Variants in PCOLCE observed in about 807,000 individuals in gnomAD.
PCOLCE encodes procollagen C-endopeptidase enhancer 1.
Under a neutral mutation model 47.2 loss-of-function variants are expected in PCOLCE, and 33 were observed. That is an observed-to-expected ratio of 0.70 (90% CI 0.53 to 0.93). The LOEUF is 0.93. PCOLCE is among the 40% of genes least tolerant of loss of function. The pLI is 0.00. For missense variants in PCOLCE, 584 were observed against 585.3 expected, an observed-to-expected ratio of 1.00 and a Z score of 0.02; for synonymous variants, 254 against 252.5, an observed-to-expected ratio of 1.01 and a Z score of -0.06.
At chr7:100,607,354 G>A in intron 6 of PCOLCE, 98 bp from the exon 7 acceptor site, 1 of 962,724 alleles carries the variant, frequency 1.0e-6, no homozygotes, top group Non-Finnish European at 1.6e-6. Context: ...CCGGAAGCCT[G>A]ACAGAGCTCT....
At chr7:100,603,582 G>A (rs778096288) in intron 2 of PCOLCE, 44 bp downstream of exon 2, 2 of 1,020,680 alleles carry the variant, frequency 2.0e-6, no homozygotes, top group Non-Finnish European at 1.5e-6. Flanking sequence ...AAGTCTCAGA[G>A]GCAAAAAGGC....
rs1195830354 is a variant in PCOLCE, at chr7:100,607,823, G to A, written c.1183+16G>A. ...ATGAAGAAAGGTAACAGAGATGTGG[G>A]GAAATGGGGATGGGTCAAGCTAAGC... is the stretch of plus-strand genomic sequence containing the variant. On this transcript the variant is annotated intron_variant, in intron 8 of 8. Transcript: ENST00000223061. 2 of 1,613,984 alleles carry A rather than the reference G, an allele frequency of 1.2e-6. No individual in the cohort carries two copies. Among genetic ancestry groups the A allele is most frequent in the Non-Finnish European group, 1.7e-6 (2 of 1,179,960 alleles).
At chr7:100,607,852 A>G (rs779249591) in intron 8 of PCOLCE, 45 bp downstream of exon 8, 1 of 1,613,248 alleles carries the variant, frequency 6.2e-7, no homozygotes. Flanking sequence ...GCTAAGCCAC[A>G]CAGAAATGAT....
chr7:100,604,906 C>G lies in PCOLCE; in HGVS notation c.464-185C>G. 1 of 538,276 alleles carries G rather than the reference C, an allele frequency of 1.9e-6. No individual in the cohort carries two copies. Among genetic ancestry groups the G allele is most frequent in the Non-Finnish European group, 3.3e-6 (1 of 301,258 alleles). 33.3% of individuals were successfully genotyped at this position (538,276 alleles called of 1,614,324 possible). ...TGCGCCCTGCGGCCCCAGACTTCCCCGAGCCGCGCTCCTCCCGGCCGCTCT... is the reference window on the plus strand; with the variant it reads ...TGCGCCCTGCGGCCCCAGACTTCCCGGAGCCGCGCTCCTCCCGGCCGCTCT... On this transcript the variant is annotated intron_variant, in intron 3 of 8. Transcript: ENST00000223061. This position sits in a 1 kb window ranked among gnomAD's most constrained non-coding sequence, Gnocchi z 6.4.
Position 100,606,458 on chromosome 7 carries a change from C to T in PCOLCE, c.768C>T (p.Val256=), listed in dbSNP as rs370616091. 17 of 1,613,986 alleles carry T rather than the reference C, an allele frequency of 1.1e-5. No homozygotes were observed. The highest frequency in any genetic ancestry group is 1.4e-5 in the Non-Finnish European group (17 of 1,179,942). ...SEGNELLVQF[V]SDLSVTADGF... is the part of the protein sequence containing the mutation. The stretch of plus-strand genomic sequence containing the variant: ...GGAATGAACTCCTCGTCCAGTTCGT[C>T]TCAGATCTCAGTGTCACCGCTGATG... The change falls in exon 6 of 9, where the codon GTC becomes GTT. Residue 256 remains valine (V), a synonymous_variant. Coordinates refer to ENST00000223061, the MANE Select transcript of PCOLCE (RefSeq NM_002593.4).
chr7:100,603,855 T>G, intron 2 of PCOLCE, 104 bp from the exon 3 acceptor site: 3 of 1,346,090 alleles, frequency 2.2e-6, no homozygotes, highest in Non-Finnish European at 3.1e-6. Flanking sequence ...CCCCTTCCCA[T>G]TCAGTCCGTT....
intron 6 of PCOLCE, among the ~76,000 whole-genome samples, chr7:100,606,871 A>G (rs9691451): frequency 1.3e-5 from 2 of 152,114 alleles, no homozygotes; most frequent in Non-Finnish European, 2.9e-5. Context: ...CAGGCAGATC[A>G]CCTGAGGTCA....
Position 100,603,514 on chromosome 7 carries a change from TAAG to T in PCOLCE, c.181_183del (p.Lys61del). The stretch of plus-strand genomic sequence containing the variant: ...GGTTCCCCAACCTCTACCCCCCTAA[TAAG>T]GAGTGCATCTGGACCATAACGGTGA... On this transcript the variant is annotated inframe_deletion, in exon 2 of 9. Coordinates refer to ENST00000223061, the MANE Select transcript of PCOLCE (RefSeq NM_002593.4). The T allele has an allele frequency of 6.3e-7, 1 of 1,592,976 alleles. No homozygotes were observed. Among genetic ancestry groups the T allele is most frequent in the Non-Finnish European group, 8.6e-7 (1 of 1,165,300 alleles).
rs987881347 is a variant in PCOLCE at position 100,604,795 on chromosome 7, G to A, written c.464-296G>A. The A allele has an allele frequency of 4.4e-6, 2 of 451,296 alleles. No homozygotes were observed. The highest frequency in any genetic ancestry group is 8.1e-6 in the Non-Finnish European group (2 of 247,802). 28.0% of individuals were successfully genotyped at this position (451,296 alleles called of 1,614,324 possible). On this transcript the variant is annotated intron_variant, in intron 3 of 8. Coordinates refer to ENST00000223061, the MANE Select transcript of PCOLCE (RefSeq NM_002593.4). This position sits in a 1 kb window ranked among gnomAD's most constrained non-coding sequence, Gnocchi z 6.4. Reference sequence around the variant, plus strand: ...GCCGGGGAGATGGGATCTCCTAGGGGAAGAGGCGCGGTGCGGCCGCGGGTC... The same window carrying A: ...GCCGGGGAGATGGGATCTCCTAGGGAAAGAGGCGCGGTGCGGCCGCGGGTC...
At chr7:100,606,190 G>T in intron 5 of PCOLCE, 1 of 560,090 alleles carries the variant, frequency 1.8e-6, no homozygotes, top group Admixed American at 3.1e-5. Flanking sequence ...AATTAGCTGG[G>T]CATGGTGGCG....
rs1293810736 is a variant in PCOLCE, at chr7:100,606,562, A to G, written c.872A>G (p.Glu291Gly). 6.2e-7 allele frequency: 1 copy of G among 1,614,152 alleles called. No homozygotes were observed. Among genetic ancestry groups the G allele is most frequent in the East Asian group, 2.2e-5 (1 of 44,882 alleles). Residue 291 changes from glutamate to glycine, a missense_variant, in exon 6 of 9, where the codon GAG becomes GGG. Coordinates refer to ENST00000223061, the MANE Select transcript of PCOLCE (RefSeq NM_002593.4). ...GGGCCCGGCCCCAAACGGGGAACTG[A>G]GCCTAAAGTCAAGCTGCCCCCCAAG... ...GQGPGPKRGTEPKVKLPPKSQ... is the reference protein window; with the variant it reads ...GQGPGPKRGTGPKVKLPPKSQ...
At position 100,606,401 on chromosome 7, in the gene PCOLCE, G is replaced by T. The variant is rs775095299; in HGVS notation, c.726-15G>T. The T allele has an allele frequency of 1.2e-6, 2 of 1,605,318 alleles. No individual in the cohort carries two copies. ...CGCCCTGACACTTCCCCCAATGCTC[G>T]GTGGCCACCTGCAGCTCCATCTCCT... On this transcript the variant is annotated splice_polypyrimidine_tract_variant and intron_variant, in intron 5 of 8. Coordinates refer to ENST00000223061, the MANE Select transcript of PCOLCE (RefSeq NM_002593.4).
In PCOLCE at chr7:100,604,981, T is replaced by C. The variant is rs948743652; in HGVS notation, c.464-110T>C. ...TCCCCTTCTTCTCGTCCCCTCATCC[T>C]GAGCCCCAGACATCCGAGCTGCCTG... On this transcript the variant is annotated intron_variant, in intron 3 of 8. Coordinates refer to ENST00000223061, the MANE Select transcript of PCOLCE (RefSeq NM_002593.4). This position sits in a 1 kb window ranked among gnomAD's most constrained non-coding sequence, Gnocchi z 6.4. 3 of 705,690 alleles carry C rather than the reference T, an allele frequency of 4.3e-6. No homozygotes were observed. Among genetic ancestry groups the C allele is most frequent in the Middle Eastern group, 4.0e-4 (1 of 2,488 alleles). The allele number at this position is 705,690 out of a possible 1,614,324, so 43.7% of individuals were successfully genotyped here.
intron 8 of PCOLCE, 33 bp downstream of exon 8, chr7:100,607,840 A>T: frequency 6.2e-7 from 1 of 1,613,680 alleles, no homozygotes; most frequent in South Asian, 1.1e-5. Context: ...GGGATGGGTC[A>T]AGCTAAGCCA....
In PCOLCE at chr7:100,605,152, G is replaced by A; in HGVS notation, c.525G>A (p.Trp175Ter). The stretch of plus-strand genomic sequence containing the variant: ...AGGGAACCCTGACCACGCCCAACTG[G>A]CCCGAGTCCGATTACCCCCCGGGCA... ...KAQGTLTTPN[W>*]PESDYPPGIS... The change falls in exon 4 of 9, where the codon TGG (tryptophan) becomes TGA (stop). Residue 175 changes from tryptophan (W) to a stop codon, truncating the protein, a stop_gained. Coordinates refer to ENST00000223061, the MANE Select transcript of PCOLCE (RefSeq NM_002593.4). LOFTEE classifies it high-confidence loss of function. The surrounding 1 kb of genome is among the most constrained non-coding windows in gnomAD (Gnocchi z 6.1). 1.2e-6 allele frequency: 2 copies of A among 1,613,084 alleles called. No individual in the cohort carries two copies. Among genetic ancestry groups the A allele is most frequent in the Non-Finnish European group, 1.7e-6 (2 of 1,179,700 alleles).
chr7:100,603,966 A>G lies in PCOLCE; in HGVS notation c.212A>G (p.Glu71Gly). Residue 71 changes from glutamate to glycine, a missense_variant, in exon 3 of 9, where the codon GAG (glutamate) becomes GGG (glycine). Transcript: ENST00000223061. The part of the protein sequence containing the change: ...KECIWTITVP[E>G]GQTVSLSFRV... ...CTCTGTCCCCGCTATCAGGTCCCCG[A>G]GGGCCAGACTGTGTCCCTCTCATTC... 6.2e-7 allele frequency: 1 copy of G among 1,601,206 alleles called. No individual in the cohort carries two copies. Among genetic ancestry groups the G allele is most frequent in the East Asian group, 2.2e-5 (1 of 44,866 alleles).
In PCOLCE at chr7:100,606,720, C is replaced by T. The variant is rs182646544; in HGVS notation, c.940+90C>T. ...CTGGGCTGTGGCTCACACCTGTAAT[C>T]CCAGCATTTTGGGAGGTCCAGACAG... On this transcript the variant is annotated intron_variant, in intron 6 of 8. Transcript: ENST00000223061. 1.0e-3 allele frequency: 1,003 copies of T among 989,496 alleles called. 7 individuals are homozygous for T. Among genetic ancestry groups the T allele is most frequent in the Non-Finnish European group, 1.4e-4 (92 of 675,212 alleles). 61.3% of individuals were successfully genotyped at this position (989,496 alleles called of 1,614,324 possible).
chr7:100,604,448 C>A lies in PCOLCE; in HGVS notation c.463+231C>A. On this transcript the variant is annotated intron_variant, in intron 3 of 8. Coordinates refer to ENST00000223061, the MANE Select transcript of PCOLCE (RefSeq NM_002593.4). The surrounding 1 kb of genome is among the most constrained non-coding windows in gnomAD (Gnocchi z 6.4). Reference sequence around the variant, plus strand: ...TCCAGGGCCCCCCCCAGGCGCGAGGCGGAAATGGGTCACCGACCCGCGGGT... The same window carrying A: ...TCCAGGGCCCCCCCCAGGCGCGAGGAGGAAATGGGTCACCGACCCGCGGGT... 1 of 625,230 alleles carries A rather than the reference C, an allele frequency of 1.6e-6. No individual in the cohort carries two copies. Among genetic ancestry groups the A allele is most frequent in the South Asian group, 1.8e-5 (1 of 54,782 alleles). 38.7% of individuals were successfully genotyped at this position (625,230 alleles called of 1,614,324 possible).
Position 100,606,542 on chromosome 7 carries a change from C to T in PCOLCE, c.852C>T (p.Pro284=), listed in dbSNP as rs757331910. The part of the protein sequence containing the change: ...PRGTAKEGQG[P]GPKRGTEPKV... The stretch of plus-strand genomic sequence containing the variant: ...GCACTGCCAAAGAAGGGCAAGGGCC[C>T]GGCCCCAAACGGGGAACTGAGCCTA... The change falls in exon 6 of 9, where the codon CCC becomes CCT. Residue 284 remains proline, a synonymous_variant. Coordinates refer to ENST00000223061, the MANE Select transcript of PCOLCE (RefSeq NM_002593.4). 22 of 1,614,052 alleles carry T rather than the reference C, an allele frequency of 1.4e-5. No homozygotes were observed. The highest frequency in any genetic ancestry group is 4.4e-5 in the South Asian group (4 of 91,092).
Sources: gnomAD v4.1 joint callset for allele counts (sites outside exome capture counted in the v4.1 genomes callset) on GRCh38, gnomAD v4.1.1 for gene constraint, Gnocchi (gnomAD v3.1) non-coding constraint, MANE v1.5 for transcripts, NCBI Gene and HGNC (gene_info 2026-07-23, HGNC 2026-07-21) for gene names.